The following ZC2HC1B variants were observed in gnomAD, a reference collection of about 807,000 sequenced individuals.
ZC2HC1B encodes the protein zinc finger C2HC-type containing 1B, also known as zinc finger C2HC domain-containing protein 1B.
ZC2HC1B carries 36 observed loss-of-function variants against 31.0 expected under a neutral mutation model. That is an observed-to-expected ratio of 1.16 (90% confidence interval 0.89 to 1.54). The LOEUF (loss-of-function observed/expected upper bound fraction) is 1.54, where lower values mean the gene tolerates loss of function less well. Ranked by LOEUF, ZC2HC1B falls within the 40% of genes most tolerant of loss-of-function variation. The probability of loss-of-function intolerance (pLI) is 0.00; values close to 1 mark genes in which losing one functional copy is unlikely to be tolerated. For missense variants in ZC2HC1B, 260 were observed against 268.6 expected (o/e 0.97, Z 0.22); for synonymous variants, 73 against 88.0 (o/e 0.83, Z 0.95).
chr6:143,932,835 T>A (rs1162920792), intron 6 of ZC2HC1B, among the ~76,000 whole-genome samples: 1 of 152,234 alleles, frequency 6.6e-6, no homozygotes, highest in African/African-American at 2.4e-5. Context: ...TTCAGATTCT[T>A]TTGTCCCACA....
At chr6:143,904,736 A>G (rs1777774956) in intron 6 of ZC2HC1B, among the ~76,000 whole-genome samples, 1 of 152,176 alleles carries the variant, frequency 6.6e-6, no homozygotes, top group African/African-American at 2.4e-5. Flanking sequence ...GGCTAGCTTT[A>G]GATCTTACGT....
rs1203900943 is a variant in ZC2HC1B at position 143,903,499 on chromosome 6, A to T, written c.598+347A>T. Among the ~76,000 whole-genome samples, 1 of 152,214 alleles carries T rather than the reference A, an allele frequency of 6.6e-6. No homozygotes were observed. Among genetic ancestry groups the T allele is most frequent in the Non-Finnish European group, 1.5e-5 (1 of 68,036 alleles). ...GGGGAAAGTTTCTTTTCTAGAAATA[A>T]ATACAGATCCTCCTCAATTTATGAT... On this transcript the variant is annotated intron_variant, in intron 6 of 7. Transcript: ENST00000237275. This position sits in a 1 kb window ranked among gnomAD's most constrained non-coding sequence, Gnocchi z 4.3.
chr6:143,931,671 T>C (rs1778120207), intron 6 of ZC2HC1B, among the ~76,000 whole-genome samples: 1 of 152,118 alleles, frequency 6.6e-6, no homozygotes, highest in Admixed American at 6.5e-5. Context: ...CCCATCTGGT[T>C]TATAGGGTTT....
At chr6:143,867,345 C>T (rs1201005283) in intron 1 of ZC2HC1B, among the ~76,000 whole-genome samples, 1 of 152,088 alleles carries the variant, frequency 6.6e-6, no homozygotes, top group Non-Finnish European at 1.5e-5. Context: ...TGTTTGCTAC[C>T]AATTAGATGA....
chr6:143,899,801 T>C lies in ZC2HC1B; in HGVS notation c.489+1110T>C, dbSNP rs1192853068. On this transcript the variant is annotated intron_variant, in intron 5 of 7. Transcript: ENST00000237275. The surrounding 1 kb of genome is among the most constrained non-coding windows in gnomAD (Gnocchi z 5.0). ...TATCCCCTTAAGCATTAGAAGGTTA[T>C]TGACTATCAACTATGTACCAGAAAC... is the stretch of plus-strand genomic sequence containing the variant. Among the ~76,000 whole-genome samples the C allele has an allele frequency of 1.3e-5, 2 of 152,218 alleles. No homozygotes were observed. The highest frequency in any genetic ancestry group is 2.9e-5 in the Non-Finnish European group (2 of 68,040).
intron 6 of ZC2HC1B, among the ~76,000 whole-genome samples, chr6:143,937,036 T>C (rs1169748405): frequency 2.0e-5 from 3 of 150,838 alleles, no homozygotes; most frequent in African/African-American, 7.5e-5. Flanking sequence ...GACTTGTTCC[T>C]TTTTTATTTT....
intron 1 of ZC2HC1B, among the ~76,000 whole-genome samples, chr6:143,882,328 T>A (rs1334212862): frequency 1.4e-5 from 1 of 73,084 alleles, no homozygotes; most frequent in East Asian, 6.8e-4. Flanking sequence ...ACATATTTTA[T>A]ATTTTTTATA....
chr6:143,901,886 C>T (rs150579096), intron 5 of ZC2HC1B, among the ~76,000 whole-genome samples: 28 of 152,318 alleles, frequency 1.8e-4, no homozygotes, highest in Admixed American at 7.2e-4. Context: ...TACCTACAGT[C>T]TGTAAAGCAG....
chr6:143,906,578 G>T (rs1459889535), intron 6 of ZC2HC1B, among the ~76,000 whole-genome samples: 1 of 151,984 alleles, frequency 6.6e-6, no homozygotes, highest in African/African-American at 2.4e-5. Context: ...CCAGTAGCTA[G>T]AACCACAGGC....
In ZC2HC1B at chr6:143,886,699, A is replaced by T; in HGVS notation, c.227A>T (p.Lys76Met). 6.5e-7 allele frequency: 1 copy of T among 1,542,868 alleles called. No individual in the cohort carries two copies. The highest frequency in any genetic ancestry group is 8.7e-7 in the Non-Finnish European group (1 of 1,143,020). The change falls in exon 4 of 8, where the codon AAG (lysine) becomes ATG (methionine). Residue 76 changes from lysine to methionine, a missense_variant. Coordinates refer to ENST00000237275, the MANE Select transcript of ZC2HC1B (RefSeq NM_001013623.3). This position sits in a 1 kb window ranked among gnomAD's most constrained non-coding sequence, Gnocchi z 4.2. Reference protein sequence around the residue: ...TPQSKSPPVRKSNWRQQHEDF... With the variant: ...TPQSKSPPVRMSNWRQQHEDF... Reference sequence around the variant, plus strand: ...TTTTTACAGTCTCCACCTGTGAGGAAGTCTAACTGGAGACAACAACATGAA... The same window carrying T: ...TTTTTACAGTCTCCACCTGTGAGGATGTCTAACTGGAGACAACAACATGAA...
intron 4 of ZC2HC1B, among the ~76,000 whole-genome samples, chr6:143,891,252 A>G (rs1409691031): frequency 6.6e-6 from 1 of 152,168 alleles, no homozygotes; most frequent in Non-Finnish European, 1.5e-5. Context: ...CATTCCTTCA[A>G]GAAATTAAAG....
At chr6:143,888,434 TATA>T (rs1335618230) in intron 4 of ZC2HC1B, among the ~76,000 whole-genome samples, 1 of 152,096 alleles carries the variant, frequency 6.6e-6, no homozygotes, top group Non-Finnish European at 1.5e-5. Flanking sequence ...GTAAAAATAT[TATA>T]ATGAGATTTT....
intron 6 of ZC2HC1B, among the ~76,000 whole-genome samples, chr6:143,928,903 G>T (rs1778084582): frequency 1.4e-5 from 2 of 145,906 alleles, no homozygotes; most frequent in Admixed American, 1.4e-4. Context: ...GATTATTATT[G>T]CTGTATAGAA....
rs985969444 is a variant in ZC2HC1B, at chr6:143,921,784, T to C, written c.599-15865T>C. Among the ~76,000 whole-genome samples the C allele has an allele frequency of 6.6e-6, 1 of 152,094 alleles. No individual in the cohort carries two copies. The highest frequency in any genetic ancestry group is 2.4e-5 in the African/African-American group (1 of 41,410). Reference sequence around the variant, plus strand: ...GTCTCTACAAGAAAAATTTAAAAATTTGCTACATGTGGTGGCACCCACTTG... The same window carrying C: ...GTCTCTACAAGAAAAATTTAAAAATCTGCTACATGTGGTGGCACCCACTTG... On this transcript the variant is annotated intron_variant, in intron 6 of 7. Transcript: ENST00000237275. This position sits in a 1 kb window ranked among gnomAD's most constrained non-coding sequence, Gnocchi z 6.1.
In ZC2HC1B at chr6:143,934,671, A is replaced by G. The variant is rs555816927; in HGVS notation, c.599-2978A>G. Among the ~76,000 whole-genome samples, 1 of 152,342 alleles carries G rather than the reference A, an allele frequency of 6.6e-6. No homozygotes were observed. Among genetic ancestry groups the G allele is most frequent in the East Asian group, 1.9e-4 (1 of 5,190 alleles). On this transcript the variant is annotated intron_variant, in intron 6 of 7. Coordinates refer to ENST00000237275, the MANE Select transcript of ZC2HC1B (RefSeq NM_001013623.3). This position sits in a 1 kb window ranked among gnomAD's most constrained non-coding sequence, Gnocchi z 4.6. ...GGCACTTTAGCTTTGATACTGGAGC[A>G]TACAGTAATTGCGTGTCCATGATTT...
chr6:143,926,783 T>G (rs1158830040), intron 6 of ZC2HC1B, among the ~76,000 whole-genome samples: 2 of 150,724 alleles, frequency 1.3e-5, no homozygotes, highest in Non-Finnish European at 2.9e-5. Flanking sequence ...TATATATAAC[T>G]GGATGTTCTG....
rs536353768 is a variant in ZC2HC1B at position 143,908,289 on chromosome 6, A to G, written c.598+5137A>G. 2.5e-4 allele frequency among the ~76,000 whole-genome samples: 26 copies of G among 105,112 alleles called. No individual in the cohort carries two copies. The highest frequency in any genetic ancestry group is 9.8e-4 in the African/African-American group (26 of 26,472). 69.0% of individuals were successfully genotyped at this position (105,112 alleles called of 152,430 possible). On this transcript the variant is annotated intron_variant, in intron 6 of 7. Coordinates refer to ENST00000237275, the MANE Select transcript of ZC2HC1B (RefSeq NM_001013623.3). The surrounding 1 kb of genome is among the most constrained non-coding windows in gnomAD (Gnocchi z 4.4). ...GTTTTGATTTCATATGAATTTTAAA[A>G]TAGTTTTTTCTAATTCTGTGAAGAA... is the stretch of plus-strand genomic sequence containing the variant.
At chr6:143,927,174 G>A (rs1778063339) in intron 6 of ZC2HC1B, among the ~76,000 whole-genome samples, 1 of 151,962 alleles carries the variant, frequency 6.6e-6, no homozygotes, top group Non-Finnish European at 1.5e-5. Flanking sequence ...AATAGATTTA[G>A]GGGGTACAAA....
At chr6:143,907,246 G>A (rs928870561) in intron 6 of ZC2HC1B, among the ~76,000 whole-genome samples, 1 of 152,148 alleles carries the variant, frequency 6.6e-6, no homozygotes, top group African/African-American at 2.4e-5. Flanking sequence ...GAAAATACAT[G>A]TGCATGTATC....
Sources: gnomAD v4.1 joint callset for allele counts (sites outside exome capture counted in the v4.1 genomes callset) on GRCh38, gnomAD v4.1.1 for gene constraint, Gnocchi (gnomAD v3.1) non-coding constraint, MANE v1.5 for transcripts, NCBI Gene and HGNC (gene_info 2026-07-23, HGNC 2026-07-21) for gene names.